Variants in ZNF892 observed in about 807,000 individuals in gnomAD.
The protein encoded by ZNF892 is zinc finger protein 892, also known as zinc finger protein 570-like.
the ZNF892 span, among the ~76,000 whole-genome samples, chr2:95,236,492 T>C: frequency 2.6e-5 from 4 of 152,374 alleles, no homozygotes; most frequent in Admixed American, 2.0e-4. Context: ...ATGTAATTAA[T>C]TCTCGTTCTG....
the ZNF892 span, among the ~76,000 whole-genome samples, chr2:95,243,487 C>T: frequency 2.0e-5 from 3 of 151,436 alleles, no homozygotes; most frequent in East Asian, 2.0e-4. Flanking sequence ...ATGTGGGGAG[C>T]GCCTCTGCCC....
the ZNF892 span, among the ~76,000 whole-genome samples, chr2:95,236,848 A>G: frequency 6.6e-6 from 1 of 152,220 alleles, no homozygotes; most frequent in African/African-American, 2.4e-5. Context: ...GGAATACAAT[A>G]CCTTAAGATA....
chr2:95,250,075 A>G, the ZNF892 span, among the ~76,000 whole-genome samples: 9 of 152,256 alleles, frequency 5.9e-5, no homozygotes, highest in Non-Finnish European at 8.8e-5. Context: ...CTTATTTTGT[A>G]GATAAATCAG....
At chr2:95,246,772 G>C in the ZNF892 span, among the ~76,000 whole-genome samples, 1 of 152,090 alleles carries the variant, frequency 6.6e-6, no homozygotes, top group East Asian at 1.9e-4. Context: ...GCTATAAAAA[G>C]AATGAAATAC....
chr2:95,207,742 G>C, the ZNF892 span: 1 of 398,132 alleles, frequency 2.5e-6, no homozygotes, highest in Admixed American at 4.4e-5. Context: ...CCTCTTGGGG[G>C]ACCCGAGCGG....
chr2:95,219,228 G>T, the ZNF892 span, among the ~76,000 whole-genome samples: 7 of 150,634 alleles, frequency 4.6e-5, no homozygotes, highest in Non-Finnish European at 7.4e-5. Context: ...GGGTGGTCTC[G>T]ATCTCCTGAC....
At chr2:95,222,359 AAAT>A in the ZNF892 span, among the ~76,000 whole-genome samples, 1 of 152,234 alleles carries the variant, frequency 6.6e-6, no homozygotes. Flanking sequence ...TATTGGAGTG[AAAT>A]GGTTAGGTCA....
At chr2:95,262,916 T>C in the ZNF892 span, among the ~76,000 whole-genome samples, 1 of 152,240 alleles carries the variant, frequency 6.6e-6, no homozygotes, top group East Asian at 1.9e-4. Flanking sequence ...AAACCTATTA[T>C]AGGCAGAATT....
chr2:95,222,440 C>G, the ZNF892 span, among the ~76,000 whole-genome samples: 1 of 152,140 alleles, frequency 6.6e-6, no homozygotes, highest in African/African-American at 2.4e-5. Context: ...ATTTTGTTTT[C>G]CCACCAGCAA....
the ZNF892 span, among the ~76,000 whole-genome samples, chr2:95,229,671 T>C: frequency 6.6e-6 from 1 of 152,240 alleles, no homozygotes; most frequent in Non-Finnish European, 1.5e-5. Flanking sequence ...ACTGTAGGAA[T>C]ATACTACAGT....
the ZNF892 span, among the ~76,000 whole-genome samples, chr2:95,239,735 C>A: frequency 5.7e-3 from 866 of 152,262 alleles, 10 homozygotes; most frequent in African/African-American, 0.019. Flanking sequence ...TCAAGCAATT[C>A]TCCTGCCTCA....
At chr2:95,237,808 T>G in the ZNF892 span, among the ~76,000 whole-genome samples, 1 of 152,246 alleles carries the variant, frequency 6.6e-6, no homozygotes, top group Non-Finnish European at 1.5e-5. Flanking sequence ...GCCTTATTGC[T>G]GACATGGAGA....
At chr2:95,211,827 G>T in the ZNF892 span, 1 of 397,358 alleles carries the variant, frequency 2.5e-6, no homozygotes, top group Non-Finnish European at 4.4e-6. Context: ...CTTAATTCTA[G>T]TAGGGCCTGA....
the ZNF892 span, among the ~76,000 whole-genome samples, chr2:95,246,430 G>T: frequency 6.6e-6 from 1 of 152,168 alleles, no homozygotes; most frequent in Non-Finnish European, 1.5e-5. Context: ...AAAGCTGGAA[G>T]CACTCCCCTT....
At chr2:95,212,323 A>G in the ZNF892 span, 1 of 398,390 alleles carries the variant, frequency 2.5e-6, no homozygotes, top group Non-Finnish European at 4.4e-6. Flanking sequence ...CAGATTGTCA[A>G]TGCAAATGCT....
chr2:95,210,636 T>C, the ZNF892 span, among the ~76,000 whole-genome samples: 1 of 152,200 alleles, frequency 6.6e-6, no homozygotes, highest in African/African-American at 2.4e-5. Flanking sequence ...TAAACTTGTT[T>C]CTATTAATTC....
At chr2:95,226,134 G>A in the ZNF892 span, among the ~76,000 whole-genome samples, 3 of 152,336 alleles carry the variant, frequency 2.0e-5, no homozygotes, top group Non-Finnish European at 4.4e-5. Context: ...ACTGGGCATT[G>A]CCTTAGTGGG....
chr2:95,245,239 G>A, the ZNF892 span, among the ~76,000 whole-genome samples: 1 of 143,538 alleles, frequency 7.0e-6, no homozygotes, highest in Admixed American at 7.7e-5. Context: ...ATGAATCCTG[G>A]AGCTGATTTT....
chr2:95,249,211 A>G, the ZNF892 span, among the ~76,000 whole-genome samples: 159 of 59,518 alleles, frequency 2.7e-3, 1 homozygote, highest in South Asian at 6.2e-3. Flanking sequence ...ATATGTATGT[A>G]TATATATATA....
Sources: allele counts gnomAD v4.1 joint callset (sites outside exome capture counted in the v4.1 genomes callset), GRCh38; gene constraint gnomAD v4.1.1; transcripts MANE v1.5; gene names NCBI Gene and HGNC (gene_info 2026-07-23, HGNC 2026-07-21).